Variants in MYO16 observed in about 807,000 individuals in gnomAD.
MYO16 encodes the protein unconventional myosin-XVI.
MYO16 carries 94 observed loss-of-function variants against 205.3 expected under a neutral mutation model. That is an observed-to-expected ratio of 0.46 (90% confidence interval 0.39 to 0.54). The LOEUF is 0.54. MYO16 is among the 20% of genes least tolerant of loss of function. MYO16 has a pLI of 0.00. For synonymous variants in MYO16, 988 were observed against 954.0 expected (o/e 1.04, Z -0.66); for missense variants, 2,315 against 2,387.5 (o/e 0.97, Z 0.63).
chr13:109,027,563 GCC>G (rs1461382100), intron 23 of MYO16, among the ~76,000 whole-genome samples: 1 of 151,884 alleles, frequency 6.6e-6, no homozygotes, highest in Non-Finnish European at 1.5e-5. Context: ...CAGGATCCCT[GCC>G]TGGGGCCCAG....
chr13:109,142,699 G>A (rs1015342321), intron 32 of MYO16, among the ~76,000 whole-genome samples: 2 of 152,052 alleles, frequency 1.3e-5, no homozygotes, highest in Admixed American at 6.5e-5. Flanking sequence ...TTGCACAGGA[G>A]TGTGATCTTT....
intron 32 of MYO16, among the ~76,000 whole-genome samples, chr13:109,146,844 A>G (rs1162640315): frequency 6.6e-6 from 1 of 151,964 alleles, no homozygotes; most frequent in Non-Finnish European, 1.5e-5. Flanking sequence ...AGAGAAAAAG[A>G]GAAAGAAAAA....
intron 5 of MYO16, 36 bp downstream of exon 5, chr13:108,785,779 G>A: frequency 7.5e-7 from 1 of 1,329,760 alleles, no homozygotes; most frequent in East Asian, 2.3e-5. Context: ...GAAAAAAATA[G>A]ATTGGGAGAA....
the MYO16 span, among the ~76,000 whole-genome samples, chr13:108,578,784 A>C: frequency 7.9e-5 from 12 of 152,196 alleles, 1 homozygote; most frequent in Middle Eastern, 0.01. Context: ...TTTACTTTCT[A>C]ATTGGTCTTG....
intron 1 of MYO16, among the ~76,000 whole-genome samples, chr13:108,640,369 A>C (rs1052967660): frequency 6.6e-6 from 1 of 152,050 alleles, no homozygotes; most frequent in African/African-American, 2.4e-5. Flanking sequence ...GCCAGGGGAG[A>C]GGAGGGAGGA....
chr13:108,648,301 C>T (rs80353192), intron 1 of MYO16, among the ~76,000 whole-genome samples: 5,318 of 152,264 alleles, frequency 0.035, 141 homozygotes, highest in South Asian at 0.13. Context: ...GGAGGAGAAG[C>T]ACTGAATACT....
intron 16 of MYO16, among the ~76,000 whole-genome samples, chr13:108,955,818 TC>T (rs1883327577): frequency 6.6e-6 from 1 of 152,152 alleles, no homozygotes; most frequent in African/African-American, 2.4e-5. Context: ...CCCACTGCAC[TC>T]CAGCCTGGGC....
At chr13:108,908,437 C>A (rs186217181) in intron 15 of MYO16, among the ~76,000 whole-genome samples, 2 of 152,336 alleles carry the variant, frequency 1.3e-5, no homozygotes, top group Admixed American at 6.5e-5. Context: ...GTTGTTAGAA[C>A]AGATTTGCTG....
At chr13:108,700,348 A>AG (rs1284835950) in intron 2 of MYO16, among the ~76,000 whole-genome samples, 1 of 129,580 alleles carries the variant, frequency 7.7e-6, no homozygotes, top group Non-Finnish European at 1.5e-5. Context: ...AAAAAAAAAA[A>AG]AAGAAGAAGA....
At chr13:108,911,034 AACACACACACACACACAC>A (rs113296282) in intron 16 of MYO16, among the ~76,000 whole-genome samples, 1 of 138,448 alleles carries the variant, frequency 7.2e-6, no homozygotes, top group African/African-American at 2.7e-5. Context: ...TATAGGAGAA[AACACACACACACACACAC>A]ACACACACAC....
At chr13:108,957,893 C>T in intron 17 of MYO16, 94 bp downstream of exon 17, 1 of 988,934 alleles carries the variant, frequency 1.0e-6, no homozygotes. Context: ...GCCCCTATGA[C>T]ATTCCAGATG....
At chr13:109,074,161 GA>G (rs1888014576) in intron 27 of MYO16, among the ~76,000 whole-genome samples, 1 of 151,984 alleles carries the variant, frequency 6.6e-6, no homozygotes, top group African/African-American at 2.4e-5. Context: ...TTTTGGTAAA[GA>G]AAAAAATTGT....
chr13:108,777,906 C>T (rs1419793952), intron 4 of MYO16, among the ~76,000 whole-genome samples: 1 of 152,296 alleles, frequency 6.6e-6, no homozygotes, highest in South Asian at 2.1e-4. Context: ...ATCTGCTATT[C>T]CCATATTCTT....
intron 9 of MYO16, among the ~76,000 whole-genome samples, chr13:108,831,070 C>T (rs531321552): frequency 6.6e-5 from 10 of 152,252 alleles, no homozygotes; most frequent in South Asian, 4.1e-4. Context: ...ACAGTGATCT[C>T]GGGGCAGTTT....
rs114702122 is a variant in MYO16 at position 109,153,613 on chromosome 13, G to A, written c.5165-11288G>A. 4.1e-3 allele frequency among the ~76,000 whole-genome samples: 623 copies of A among 152,190 alleles called. 6 individuals are homozygous for A. The highest frequency in any genetic ancestry group is 0.014 in the African/African-American group (591 of 41,540). ...ATCTCTACTAAAAGCACAAAAAGTAGCCGGGCATGGTGGTGTGGGCCTGTA... is the reference window on the plus strand; with the variant it reads ...ATCTCTACTAAAAGCACAAAAAGTAACCGGGCATGGTGGTGTGGGCCTGTA... On this transcript the variant is annotated intron_variant, in intron 32 of 34. Transcript: ENST00000457511.
intron 27 of MYO16, among the ~76,000 whole-genome samples, chr13:109,072,195 T>G (rs946719724): frequency 1.3e-5 from 2 of 152,170 alleles, no homozygotes; most frequent in Admixed American, 1.3e-4. Context: ...GGTAAATCTC[T>G]CAAGGCGCAT....
chr13:108,912,445 C>G (rs372650050), intron 16 of MYO16, among the ~76,000 whole-genome samples: 3 of 151,966 alleles, frequency 2.0e-5, no homozygotes, highest in African/African-American at 4.8e-5. Context: ...TATGGTAACC[C>G]AGGCAAAAGT....
At chr13:109,056,332 C>T (rs1231498742) in intron 27 of MYO16, among the ~76,000 whole-genome samples, 1 of 152,110 alleles carries the variant, frequency 6.6e-6, no homozygotes, top group Non-Finnish European at 1.5e-5. Context: ...GCAAGAAGCA[C>T]CTAAACTCAC....
intron 4 of MYO16, among the ~76,000 whole-genome samples, chr13:108,744,126 C>A (rs969181551): frequency 6.6e-6 from 1 of 152,202 alleles, no homozygotes; most frequent in Non-Finnish European, 1.5e-5. Context: ...ACCACACATA[C>A]AATATTTAAT....
Sources: allele counts gnomAD v4.1 joint callset (sites outside exome capture counted in the v4.1 genomes callset), GRCh38; gene constraint gnomAD v4.1.1; transcripts MANE v1.5; gene names NCBI Gene and HGNC (gene_info 2026-07-23, HGNC 2026-07-21).